SLC24A3: variants seen among roughly 807,000 people sequenced by gnomAD.
The protein encoded by SLC24A3 is solute carrier family 24 member 3, also known as sodium/potassium/calcium exchanger 3.
A neutral mutation model predicts 75.8 loss-of-function variants in SLC24A3; 28 were observed. The observed-to-expected ratio is 0.37, with a 90% CI of 0.27 to 0.51. The LOEUF (loss-of-function observed/expected upper bound fraction) is 0.51. Among genes scored for constraint, SLC24A3 ranks in the 20% least tolerant of loss-of-function variants. The pLI is 0.94. For synonymous variants in SLC24A3, 372 were observed against 334.1 expected, an observed-to-expected ratio of 1.11 and a Z score of -1.24; for missense variants, 663 against 847.8, an observed-to-expected ratio of 0.78 and a Z score of 2.71.
chr20:19,607,943 C>T (rs916141543), intron 6 of SLC24A3, among the ~76,000 whole-genome samples: 1 of 152,236 alleles, frequency 6.6e-6, no homozygotes, highest in African/African-American at 2.4e-5. Flanking sequence ...CTGAACTGCT[C>T]GTTGTGTCTT....
At chr20:19,295,645 A>G (rs973670505) in intron 2 of SLC24A3, among the ~76,000 whole-genome samples, 4 of 152,194 alleles carry the variant, frequency 2.6e-5, no homozygotes, top group Admixed American at 6.5e-5. Context: ...TGTTTATGTG[A>G]TGAATTACAT....
chr20:19,492,410 C>A (rs546743764), intron 2 of SLC24A3, among the ~76,000 whole-genome samples: 20 of 152,216 alleles, frequency 1.3e-4, no homozygotes, highest in African/African-American at 4.8e-4. Context: ...CCAGTGTGTT[C>A]GAAGGACCAT....
rs543127965 is a variant in SLC24A3, at chr20:19,240,308, C to T, written c.142+27324C>T. Among the ~76,000 whole-genome samples the T allele has an allele frequency of 1.3e-4, 20 of 152,218 alleles. No individual in the cohort carries two copies. The South Asian group carries it at 4.2e-3, about 32-fold the overall frequency. On this transcript the variant is annotated intron_variant, in intron 1 of 16. Transcript: ENST00000328041. ...GCCTCAATGGTGTACATCTGAGGTT[C>T]CTGTTGCTTTGAAATAACATGCAGA...
At chr20:19,593,890 A>G (rs2031415999) in intron 6 of SLC24A3, among the ~76,000 whole-genome samples, 2 of 152,128 alleles carry the variant, frequency 1.3e-5, no homozygotes, top group African/African-American at 4.8e-5. Context: ...CTGCTGCAAC[A>G]TGTGACATCT....
Position 19,342,124 on chromosome 20 carries a change from A to G in SLC24A3, c.271+61037A>G, listed in dbSNP as rs143459605. Among the ~76,000 whole-genome samples the G allele has an allele frequency of 1.7e-3, 256 of 152,376 alleles. 3 individuals carry two copies. Among genetic ancestry groups the G allele is most frequent in the Non-Finnish European group, 7.3e-4 (50 of 68,040 alleles). On this transcript the variant is annotated intron_variant, in intron 2 of 16. Coordinates refer to ENST00000328041, the MANE Select transcript of SLC24A3 (RefSeq NM_020689.4). Reference sequence around the variant, plus strand: ...TTGATTTGTACCTGTAAGAATAGTCATGTAACAATATTGTTTGTGGATCTG... The same window carrying G: ...TTGATTTGTACCTGTAAGAATAGTCGTGTAACAATATTGTTTGTGGATCTG...
intron 3 of SLC24A3, among the ~76,000 whole-genome samples, chr20:19,541,500 G>A (rs181196185): frequency 1.3e-5 from 2 of 152,280 alleles, no homozygotes; most frequent in East Asian, 3.9e-4. Context: ...AGTTAGAACA[G>A]GTGCTGAAGG....
chr20:19,434,558 A>G (rs987355809), intron 2 of SLC24A3, among the ~76,000 whole-genome samples: 2 of 152,152 alleles, frequency 1.3e-5, no homozygotes, highest in Non-Finnish European at 2.9e-5. Context: ...TTTCTTTTGG[A>G]GAATTTGTCA....
At chr20:19,228,326 A>G (rs6075489) in intron 1 of SLC24A3, among the ~76,000 whole-genome samples, 30,144 of 151,904 alleles carry the variant, frequency 0.2, 3,918 homozygotes, top group Non-Finnish European at 0.3. Flanking sequence ...GTTTCCTTTC[A>G]TTTGTGGTTT....
intron 2 of SLC24A3, among the ~76,000 whole-genome samples, chr20:19,471,081 G>A (rs577182743): frequency 2.8e-4 from 42 of 152,284 alleles, no homozygotes; most frequent in African/African-American, 1.0e-3. Flanking sequence ...GAACATGTCT[G>A]GGGTTCTCAG....
intron 3 of SLC24A3, among the ~76,000 whole-genome samples, chr20:19,571,775 A>T (rs1420286012): frequency 1.3e-5 from 2 of 152,218 alleles, no homozygotes; most frequent in Non-Finnish European, 2.9e-5. Flanking sequence ...ATGCCAAATG[A>T]CTAAATAACC....
chr20:19,528,704 A>T (rs536747787), intron 3 of SLC24A3, among the ~76,000 whole-genome samples: 3 of 152,290 alleles, frequency 2.0e-5, no homozygotes, highest in African/African-American at 7.2e-5. Context: ...TTTGTGCACC[A>T]AGGTAGAAGC....
At chr20:19,424,878 C>T (rs1986978908) in intron 2 of SLC24A3, among the ~76,000 whole-genome samples, 1 of 151,456 alleles carries the variant, frequency 6.6e-6, no homozygotes, top group Non-Finnish European at 1.5e-5. Context: ...TATTATTTGA[C>T]ACTCATTCTA....
intron 6 of SLC24A3, among the ~76,000 whole-genome samples, chr20:19,636,693 C>G (rs2032006784): frequency 6.6e-6 from 1 of 152,084 alleles, no homozygotes; most frequent in Non-Finnish European, 1.5e-5. Flanking sequence ...GCAAATAGAC[C>G]TATACACCTG....
At chr20:19,234,212 C>T (rs532500263) in intron 1 of SLC24A3, among the ~76,000 whole-genome samples, 72 of 152,356 alleles carry the variant, frequency 4.7e-4, no homozygotes, top group Middle Eastern at 3.4e-3. Flanking sequence ...GCATCAGCAT[C>T]GCCCAGGTCC....
At chr20:19,391,466 T>A (rs1279469642) in intron 2 of SLC24A3, among the ~76,000 whole-genome samples, 2 of 152,120 alleles carry the variant, frequency 1.3e-5, no homozygotes, top group Non-Finnish European at 2.9e-5. Flanking sequence ...AGGGCACAAA[T>A]ACAAAATCTA....
intron 2 of SLC24A3, among the ~76,000 whole-genome samples, chr20:19,512,676 C>T (rs542041686): frequency 5.9e-5 from 9 of 152,312 alleles, no homozygotes; most frequent in Middle Eastern, 3.4e-3. Flanking sequence ...GCCTCATGCA[C>T]GGGGCAGCAG....
intron 12 of SLC24A3, among the ~76,000 whole-genome samples, chr20:19,689,375 C>G (rs1357165231): frequency 6.6e-6 from 1 of 152,186 alleles, no homozygotes; most frequent in Admixed American, 6.5e-5. Flanking sequence ...CTTGTTAAAG[C>G]CAAGTCCAAC....
At chr20:19,440,768 G>A (rs937956827) in intron 2 of SLC24A3, among the ~76,000 whole-genome samples, 1 of 151,488 alleles carries the variant, frequency 6.6e-6, no homozygotes, top group African/African-American at 2.4e-5. Context: ...GAAGAAGAAC[G>A]ATGAGAGTGT....
chr20:19,667,852 C>G (rs2032417915), intron 8 of SLC24A3, among the ~76,000 whole-genome samples: 1 of 152,128 alleles, frequency 6.6e-6, no homozygotes, highest in Non-Finnish European at 1.5e-5. Context: ...GTTAGGTAAC[C>G]CCATCCTAGG....
Sources: allele counts gnomAD v4.1 joint callset (sites outside exome capture counted in the v4.1 genomes callset), GRCh38; gene constraint gnomAD v4.1.1; transcripts MANE v1.5; gene names NCBI Gene and HGNC (gene_info 2026-07-23, HGNC 2026-07-21).